Variants in CA10 observed in about 807,000 individuals in gnomAD.
CA10 encodes the protein carbonic anhydrase-related protein 10.
A neutral mutation model predicts 44.2 loss-of-function variants in CA10; 14 were observed. The ratio of observed to expected loss-of-function variants is 0.32; its 90% CI spans 0.21 to 0.50. The LOEUF is 0.50. CA10 is among the 20% of genes least tolerant of loss of function. CA10 has a pLI of 0.99. For synonymous variants in CA10, 159 were observed against 141.6 expected (o/e 1.12, Z -0.87); for missense variants, 350 against 409.7 (o/e 0.85, Z 1.26).
intron 4 of CA10, among the ~76,000 whole-genome samples, chr17:51,667,572 A>C (rs1914255188): frequency 6.6e-6 from 1 of 151,852 alleles, no homozygotes; most frequent in South Asian, 2.1e-4. Context: ...AGCAAGCAAA[A>C]AAAAAAAAAA....
At chr17:52,044,791 A>C (rs1291262406) in intron 2 of CA10, among the ~76,000 whole-genome samples, 2 of 152,138 alleles carry the variant, frequency 1.3e-5, no homozygotes, top group Non-Finnish European at 2.9e-5. Flanking sequence ...AAAGAGAAAT[A>C]AAGAAGAAAA....
At chr17:52,000,348 G>T (rs144997780) in intron 2 of CA10, among the ~76,000 whole-genome samples, 82 of 152,152 alleles carry the variant, frequency 5.4e-4, no homozygotes, top group Middle Eastern at 3.4e-3. Context: ...TTAACACCTT[G>T]TTTCTTTCAA....
chr17:51,997,059 A>G (rs1055304324), intron 2 of CA10, among the ~76,000 whole-genome samples: 8 of 152,034 alleles, frequency 5.3e-5, no homozygotes, highest in Non-Finnish European at 8.8e-5. Flanking sequence ...ATGACTTTCA[A>G]TCCCTCTGTC....
chr17:52,062,827 C>T (rs1261099612), intron 2 of CA10, among the ~76,000 whole-genome samples: 2 of 152,352 alleles, frequency 1.3e-5, no homozygotes, highest in East Asian at 1.9e-4. Context: ...GGAGCTCCTA[C>T]AGGGAGCCTC....
intron 4 of CA10, among the ~76,000 whole-genome samples, chr17:51,741,802 G>T (rs1271812495): frequency 2.6e-5 from 4 of 152,150 alleles, no homozygotes; most frequent in Admixed American, 2.6e-4. Flanking sequence ...ATGAGGTGTT[G>T]GGAACACAGC....
intron 3 of CA10, among the ~76,000 whole-genome samples, chr17:51,897,477 A>G (rs1981122094): frequency 6.6e-6 from 1 of 152,124 alleles, no homozygotes; most frequent in African/African-American, 2.4e-5. Context: ...GCCTTGTAGT[A>G]TAATTTGAAG....
chr17:52,138,725 G>T (rs1387136418), intron 1 of CA10, among the ~76,000 whole-genome samples: 1 of 152,204 alleles, frequency 6.6e-6, no homozygotes, highest in Non-Finnish European at 1.5e-5. Flanking sequence ...CACAGCAGTG[G>T]CAGGAGTCTT....
At chr17:51,974,854 A>G (rs777627410) in intron 2 of CA10, among the ~76,000 whole-genome samples, 1 of 152,160 alleles carries the variant, frequency 6.6e-6, no homozygotes, top group Non-Finnish European at 1.5e-5. Context: ...ACCCAACAAA[A>G]TATCTTTCAA....
At chr17:51,793,331 C>A (rs1906591104) in intron 3 of CA10, among the ~76,000 whole-genome samples, 1 of 152,066 alleles carries the variant, frequency 6.6e-6, no homozygotes, top group Non-Finnish European at 1.5e-5. Context: ...TTATGGAAAC[C>A]ATGTGGTTGC....
At chr17:51,932,638 T>G (rs1200582791) in intron 2 of CA10, among the ~76,000 whole-genome samples, 1 of 152,262 alleles carries the variant, frequency 6.6e-6, no homozygotes, top group African/African-American at 2.4e-5. Flanking sequence ...AATTGGCTTT[T>G]TAGTCATTAA....
chr17:51,741,758 A>C (rs1567824020), intron 4 of CA10, among the ~76,000 whole-genome samples: 1 of 152,184 alleles, frequency 6.6e-6, no homozygotes, highest in Non-Finnish European at 1.5e-5. Flanking sequence ...CATTCAGTAA[A>C]TATTTATTGA....
At chr17:52,009,943 A>T (rs1458506696) in intron 2 of CA10, among the ~76,000 whole-genome samples, 1 of 152,062 alleles carries the variant, frequency 6.6e-6, no homozygotes, top group Non-Finnish European at 1.5e-5. Context: ...GGCTAAGGAC[A>T]TGAATAGACT....
Position 51,633,477 on chromosome 17 carries a change from T to C in CA10, c.963A>G (p.Arg321=). The C allele has an allele frequency of 6.2e-7, 1 of 1,612,952 alleles. No individual in the cohort carries two copies. Among genetic ancestry groups the C allele is most frequent in the East Asian group, 2.2e-5 (1 of 44,852 alleles). ...CACTCTCTGAGCCACCAAACCCACC[T>C]CTATACTGAAGCTTCTGGGCTCGGT... The part of the protein sequence containing the change: ...PNNRAQKLQY[R]VNEWLLK Residue 321 remains arginine (R), a splice_region_variant and synonymous_variant, in exon 8 of 9, where the codon AGA becomes AGG. Transcript: ENST00000451037.
intron 3 of CA10, among the ~76,000 whole-genome samples, chr17:51,921,457 ACTT>A (rs1482267435): frequency 1.2e-4 from 19 of 152,332 alleles, no homozygotes; most frequent in South Asian, 6.2e-4. Context: ...AGCTGTAATG[ACTT>A]CTTAAAATAT....
At chr17:52,068,557 T>A (rs1305113943) in intron 2 of CA10, among the ~76,000 whole-genome samples, 1 of 152,246 alleles carries the variant, frequency 6.6e-6, no homozygotes, top group African/African-American at 2.4e-5. Flanking sequence ...TAACTTCCTT[T>A]CTTCCTTTAG....
chr17:51,862,075 T>C (rs1979336283), intron 3 of CA10, among the ~76,000 whole-genome samples: 1 of 152,216 alleles, frequency 6.6e-6, no homozygotes, highest in Non-Finnish European at 1.5e-5. Flanking sequence ...GCCACCCTCT[T>C]GCTAATGCCA....
At chr17:52,118,577 C>T (rs755706781) in intron 1 of CA10, among the ~76,000 whole-genome samples, 14 of 152,034 alleles carry the variant, frequency 9.2e-5, no homozygotes, top group Non-Finnish European at 1.8e-4. Context: ...GAGAGGTAAA[C>T]AGGATTATTT....
rs574528904 is a variant in CA10 at position 51,990,104 on chromosome 17, T to C, written c.137-58972A>G. Among the ~76,000 whole-genome samples the C allele has an allele frequency of 9.9e-5, 15 of 152,256 alleles. No individual in the cohort carries two copies. In the East Asian group the frequency reaches 2.5e-3, roughly 26 times the overall value. On this transcript the variant is annotated intron_variant, in intron 2 of 8. Coordinates refer to ENST00000451037, the MANE Select transcript of CA10 (RefSeq NM_020178.5). ...ATCTGTCTCTTCTACTTAAGATACA[T>C]CTAGCTCTTCAAAGATATATAGCTT... is the stretch of plus-strand genomic sequence containing the variant.
At chr17:52,157,683 C>A (rs1255298997) in intron 1 of CA10, 43 bp downstream of exon 1, 1 of 1,581,144 alleles carries the variant, frequency 6.3e-7, no homozygotes, top group Admixed American at 1.7e-5. Flanking sequence ...CCAGACATCA[C>A]AACATAATCC....
Sources: gnomAD v4.1 joint callset for allele counts (sites outside exome capture counted in the v4.1 genomes callset) on GRCh38, gnomAD v4.1.1 for gene constraint, MANE v1.5 for transcripts, NCBI Gene and HGNC (gene_info 2026-07-23, HGNC 2026-07-21) for gene names.